The following DPYSL2 variants were observed in gnomAD, a reference collection of about 807,000 sequenced individuals.
DPYSL2 encodes dihydropyrimidinase like 2, also known as dihydropyrimidinase-related protein 2.
Under a neutral mutation model 69.9 loss-of-function variants are expected in DPYSL2, and 13 were observed. That is an observed-to-expected ratio of 0.19 (90% CI 0.12 to 0.30). The LOEUF is 0.30. DPYSL2 is among the 10% of genes least tolerant of loss of function. The pLI, the probability that DPYSL2 is intolerant of heterozygous loss-of-function variation, is 1.00. For missense variants in DPYSL2, 587 were observed against 918.9 expected, an observed-to-expected ratio of 0.64 and a Z score of 4.67; for synonymous variants, 326 against 359.1, an observed-to-expected ratio of 0.91 and a Z score of 1.04.
At chr8:26,539,214 T>C (rs1800641042) in intron 1 of DPYSL2, among the ~76,000 whole-genome samples, 1 of 152,210 alleles carries the variant, frequency 6.6e-6, no homozygotes, top group Non-Finnish European at 1.5e-5. Flanking sequence ...TATAAAACAA[T>C]TGGTTAGACA....
rs1296477767 is a variant in DPYSL2, at chr8:26,516,068, A to G, written c.354+1389A>G. Among the ~76,000 whole-genome samples, 1 of 152,226 alleles carries G rather than the reference A, an allele frequency of 6.6e-6. No individual in the cohort carries two copies. The highest frequency in any genetic ancestry group is 1.5e-5 in the Non-Finnish European group (1 of 68,034). ...GCAGCTTTTGACTTTTGTAGGGTCA[A>G]GTCTAGGAAAAACAAGGCATTTGCT... is the stretch of plus-strand genomic sequence containing the variant. On this transcript the variant is annotated intron_variant, in intron 1 of 13. Coordinates refer to ENST00000521913, the MANE Select transcript of DPYSL2 (RefSeq NM_001197293.3). This position sits in a 1 kb window ranked among gnomAD's most constrained non-coding sequence, Gnocchi z 4.8.
intron 1 of DPYSL2, among the ~76,000 whole-genome samples, chr8:26,569,559 G>A (rs927762574): frequency 4.6e-5 from 7 of 152,090 alleles, no homozygotes; most frequent in Non-Finnish European, 7.4e-5. Context: ...AGTGTTGTGC[G>A]GTCACTGTAA....
intron 1 of DPYSL2, among the ~76,000 whole-genome samples, chr8:26,543,541 G>C (rs1459285275): frequency 1.3e-5 from 2 of 151,048 alleles, no homozygotes; most frequent in Non-Finnish European, 2.9e-5. Flanking sequence ...AGGCTGGAGT[G>C]CAATGGCAGG....
At chr8:26,523,163 A>G (rs1808417201) in intron 1 of DPYSL2, among the ~76,000 whole-genome samples, 1 of 150,994 alleles carries the variant, frequency 6.6e-6, no homozygotes. Flanking sequence ...GTATATATAT[A>G]TATATATTTT....
At chr8:26,615,378 G>A (rs1402182648) in intron 3 of DPYSL2, among the ~76,000 whole-genome samples, 1 of 152,178 alleles carries the variant, frequency 6.6e-6, no homozygotes, top group Admixed American at 6.5e-5. Context: ...ACCAAAGGTG[G>A]CCTGGCCCCT....
rs1031679263 is a variant in DPYSL2, at chr8:26,614,804, A to G, written c.629-9339A>G. ...GTGCCTGAAGGTCCGAGCAGTGAAG[A>G]ACATGTTTCCATATGCCTGCCACCC... On this transcript the variant is annotated intron_variant, in intron 3 of 13. Coordinates refer to ENST00000521913, the MANE Select transcript of DPYSL2 (RefSeq NM_001197293.3). This position sits in a 1 kb window ranked among gnomAD's most constrained non-coding sequence, Gnocchi z 4.9. 6.6e-6 allele frequency among the ~76,000 whole-genome samples: 1 copy of G among 152,248 alleles called. No homozygotes were observed. The highest frequency in any genetic ancestry group is 1.5e-5 in the Non-Finnish European group (1 of 68,040).
At chr8:26,540,703 C>T (rs1318365945) in intron 1 of DPYSL2, among the ~76,000 whole-genome samples, 11 of 152,004 alleles carry the variant, frequency 7.2e-5, no homozygotes, top group Admixed American at 6.6e-4. Flanking sequence ...GTTGGGAGTT[C>T]GAGACCAGCC....
At chr8:26,594,454 C>T (rs1168743382) in intron 3 of DPYSL2, among the ~76,000 whole-genome samples, 4 of 152,138 alleles carry the variant, frequency 2.6e-5, no homozygotes, top group Non-Finnish European at 5.9e-5. Context: ...ACCAAATCTA[C>T]CATCTATCTA....
In DPYSL2 at chr8:26,610,803, T is replaced by C. The variant is rs762218267; in HGVS notation, c.629-13340T>C. Among the ~76,000 whole-genome samples, 9 of 152,226 alleles carry C rather than the reference T, an allele frequency of 5.9e-5. No individual in the cohort carries two copies. The highest frequency in any genetic ancestry group is 1.0e-4 in the Non-Finnish European group (7 of 68,046). On this transcript the variant is annotated intron_variant, in intron 3 of 13. Transcript: ENST00000521913. This position sits in a 1 kb window ranked among gnomAD's most constrained non-coding sequence, Gnocchi z 4.5. Reference sequence around the variant, plus strand: ...TCAAGGCACCCCTAAAGTATGTTTTTACTATTTAACACACGATTTTGTAGG... The same window carrying C: ...TCAAGGCACCCCTAAAGTATGTTTTCACTATTTAACACACGATTTTGTAGG...
At position 26,527,693 on chromosome 8, in the gene DPYSL2, A is replaced by G. The variant is rs546307735; in HGVS notation, c.354+13014A>G. ...TTATCACAATATTATTTCATAAAAT[A>G]AACAACATCTTAGCACTGAAATCAT... On this transcript the variant is annotated intron_variant, in intron 1 of 13. Transcript: ENST00000521913. Among the ~76,000 whole-genome samples, 18 of 152,360 alleles carry G rather than the reference A, an allele frequency of 1.2e-4. No homozygotes were observed. The East Asian group carries it at 3.5e-3, about 29-fold the overall frequency.
chr8:26,531,997 G>A (rs1024135901), intron 1 of DPYSL2, among the ~76,000 whole-genome samples: 3 of 152,094 alleles, frequency 2.0e-5, no homozygotes, highest in Non-Finnish European at 4.4e-5. Flanking sequence ...CACAGGGAGG[G>A]CACTTGTGCC....
At chr8:26,530,722 A>G (rs1800496607) in intron 1 of DPYSL2, among the ~76,000 whole-genome samples, 1 of 152,160 alleles carries the variant, frequency 6.6e-6, no homozygotes. Context: ...AAGTCACTGG[A>G]GAATGTGGTG....
Position 26,638,714 on chromosome 8 carries a change from T to G in DPYSL2, c.1126+3814T>G, listed in dbSNP as rs142411156. Among the ~76,000 whole-genome samples, 824 of 152,296 alleles carry G rather than the reference T, an allele frequency of 5.4e-3. 6 individuals carry two copies. Among genetic ancestry groups the G allele is most frequent in the African/African-American group, 0.019 (792 of 41,552 alleles). On this transcript the variant is annotated intron_variant, in intron 8 of 13. Coordinates refer to ENST00000521913, the MANE Select transcript of DPYSL2 (RefSeq NM_001197293.3). ...GGCATTTTTACTCTTGAAAAGAACT[T>G]AGACATTGATCAACTTAATAGGCTC...
chr8:26,589,128 C>A (rs73678817), intron 3 of DPYSL2, among the ~76,000 whole-genome samples: 1 of 152,202 alleles, frequency 6.6e-6, no homozygotes, highest in Non-Finnish European at 1.5e-5. Flanking sequence ...CCCTCCACGA[C>A]GCGGCCTATT....
intron 3 of DPYSL2, among the ~76,000 whole-genome samples, chr8:26,603,303 G>T (rs911458647): frequency 1.2e-4 from 19 of 152,054 alleles, no homozygotes; most frequent in Non-Finnish European, 2.6e-4. Flanking sequence ...CTTCTGAGTA[G>T]CTGAGACTAC....
intron 11 of DPYSL2, among the ~76,000 whole-genome samples, chr8:26,649,695 A>G (rs1803244317): frequency 6.6e-6 from 1 of 152,238 alleles, no homozygotes; most frequent in Non-Finnish European, 1.5e-5. Context: ...CAGAGCATCT[A>G]GCTAACTATT....
chr8:26,531,083 A>T lies in DPYSL2; in HGVS notation c.354+16404A>T, dbSNP rs1800504058. On this transcript the variant is annotated intron_variant, in intron 1 of 13. Transcript: ENST00000521913. ...CAAAGAAAAAAAAAAAAAAAAGGTG[A>T]TGAGGGAGCTCAGCTGCTATGACCT... Among the ~76,000 whole-genome samples, 3 of 150,080 alleles carry T rather than the reference A, an allele frequency of 2.0e-5. No homozygotes were observed. In the South Asian group the frequency reaches 6.3e-4, roughly 31 times the overall value.
At chr8:26,577,865 A>G (rs1220094535) in intron 1 of DPYSL2, 1 of 1,088,386 alleles carries the variant, frequency 9.2e-7, no homozygotes, top group Non-Finnish European at 1.1e-6. Flanking sequence ...TCTCTCTCGA[A>G]GCGGATGGCT....
intron 1 of DPYSL2, chr8:26,547,711 G>A: frequency 4.9e-6 from 1 of 205,728 alleles, no homozygotes; most frequent in Non-Finnish European, 1.0e-5. Flanking sequence ...GAGCAGCATG[G>A]CCCAGCCTTG....
Sources: gnomAD v4.1 joint callset for allele counts (sites outside exome capture counted in the v4.1 genomes callset) on GRCh38, gnomAD v4.1.1 for gene constraint, Gnocchi (gnomAD v3.1) non-coding constraint, MANE v1.5 for transcripts, NCBI Gene and HGNC (gene_info 2026-07-23, HGNC 2026-07-21) for gene names.